FMN2: variants seen among roughly 807,000 people sequenced by gnomAD.
The protein encoded by FMN2 is formin 2.
FMN2 carries 51 observed loss-of-function variants against 142.3 expected under a neutral mutation model. That is an observed-to-expected ratio of 0.36 (90% confidence interval 0.29 to 0.45). The LOEUF is 0.45. FMN2 is among the 20% of genes least tolerant of loss of function. The pLI is 1.00. For synonymous variants in FMN2, 882 were observed against 869.8 expected, an observed-to-expected ratio of 1.01 and a Z score of -0.25; for missense variants, 1,936 against 2,122.8, an observed-to-expected ratio of 0.91 and a Z score of 1.73.
intron 3 of FMN2, among the ~76,000 whole-genome samples, chr1:240,183,062 G>A (rs1446001340): frequency 6.6e-6 from 1 of 151,354 alleles, no homozygotes; most frequent in Non-Finnish European, 1.5e-5. Flanking sequence ...GATTACAGGT[G>A]TGAGCTACCA....
chr1:240,285,587 G>A (rs1030718289), intron 7 of FMN2, among the ~76,000 whole-genome samples: 1 of 152,078 alleles, frequency 6.6e-6, no homozygotes, highest in African/African-American at 2.4e-5. Context: ...GGGAGAGAAA[G>A]AGCCAGCAGG....
intron 15 of FMN2, among the ~76,000 whole-genome samples, chr1:240,427,500 T>C (rs1674999887): frequency 2.0e-5 from 3 of 152,182 alleles, no homozygotes; most frequent in Admixed American, 1.3e-4. Context: ...CCACCGCACC[T>C]GGCCACAACT....
chr1:240,113,139 G>A (rs1054659103), intron 1 of FMN2, among the ~76,000 whole-genome samples: 9 of 152,132 alleles, frequency 5.9e-5, no homozygotes, highest in Admixed American at 3.9e-4. Context: ...ATTTGACCAA[G>A]GAGTAGAGTG....
chr1:240,292,791 C>T (rs1354912522), intron 7 of FMN2, among the ~76,000 whole-genome samples: 1 of 152,192 alleles, frequency 6.6e-6, no homozygotes, highest in African/African-American at 2.4e-5. Flanking sequence ...CTTCTTTTAC[C>T]TTTATTTCCT....
At chr1:240,204,131 TTC>T (rs1309118629) in intron 4 of FMN2, among the ~76,000 whole-genome samples, 1 of 151,674 alleles carries the variant, frequency 6.6e-6, no homozygotes, top group African/African-American at 2.4e-5. Flanking sequence ...TAAGGGCTAC[TTC>T]TTTTTTTTTT....
intron 7 of FMN2, among the ~76,000 whole-genome samples, chr1:240,258,467 C>T (rs1046580379): frequency 9.9e-5 from 15 of 152,100 alleles, no homozygotes; most frequent in African/African-American, 3.4e-4. Flanking sequence ...GGAAAGAGAG[C>T]TCTCTTGTGT....
chr1:240,425,739 C>G (rs1047949515), intron 15 of FMN2, among the ~76,000 whole-genome samples: 1 of 152,168 alleles, frequency 6.6e-6, no homozygotes, highest in Non-Finnish European at 1.5e-5. Flanking sequence ...GTAATGTCTG[C>G]CAGCACGTGA....
chr1:240,449,313 T>G (rs991461326), intron 16 of FMN2, among the ~76,000 whole-genome samples: 1 of 152,276 alleles, frequency 6.6e-6, no homozygotes, highest in African/African-American at 2.4e-5. Flanking sequence ...GACTTTCTGC[T>G]TACTGACACT....
At chr1:240,214,128 G>A (rs907559739) in intron 6 of FMN2, among the ~76,000 whole-genome samples, 1 of 152,162 alleles carries the variant, frequency 6.6e-6, no homozygotes, top group Non-Finnish European at 1.5e-5. Flanking sequence ...AAGATTAGCT[G>A]AGAAGGTACA....
At chr1:240,439,104 C>T (rs111261576) in intron 16 of FMN2, among the ~76,000 whole-genome samples, 8,466 of 151,864 alleles carry the variant, frequency 0.056, 820 homozygotes, top group African/African-American at 0.2. Flanking sequence ...AAAACCCTGT[C>T]TGTACTAAAA....
At chr1:240,254,692 A>G (rs1282976853) in intron 6 of FMN2, among the ~76,000 whole-genome samples, 4 of 152,014 alleles carry the variant, frequency 2.6e-5, no homozygotes, top group African/African-American at 9.7e-5. Flanking sequence ...GTGGCTCCAT[A>G]TGGCGGCTGC....
intron 7 of FMN2, among the ~76,000 whole-genome samples, chr1:240,280,284 A>G (rs1669353319): frequency 6.6e-6 from 1 of 152,132 alleles, no homozygotes; most frequent in South Asian, 2.1e-4. Context: ...TTGTGATTAT[A>G]ATCATTGTGT....
At chr1:240,294,456 C>G (rs1429601169) in intron 7 of FMN2, among the ~76,000 whole-genome samples, 2 of 152,194 alleles carry the variant, frequency 1.3e-5, no homozygotes, top group African/African-American at 4.8e-5. Context: ...TGAATTTAAG[C>G]ATTTATTGAT....
chr1:240,331,937 G>A (rs999156057), intron 11 of FMN2, among the ~76,000 whole-genome samples: 5 of 152,150 alleles, frequency 3.3e-5, no homozygotes, highest in African/African-American at 7.2e-5. Context: ...ATGGGTACTC[G>A]CAGTACAGTT....
intron 2 of FMN2, among the ~76,000 whole-genome samples, chr1:240,177,558 T>C (rs1664971527): frequency 1.3e-5 from 2 of 152,146 alleles, no homozygotes; most frequent in African/African-American, 4.8e-5. Context: ...TTAAAAGGGA[T>C]ATCATATTCA....
At chr1:240,287,782 T>G (rs1352079668) in intron 7 of FMN2, among the ~76,000 whole-genome samples, 1 of 152,182 alleles carries the variant, frequency 6.6e-6, no homozygotes, top group Admixed American at 6.5e-5. Context: ...TGCATTTGAC[T>G]TTTATTATTT....
rs953727309 is a variant in FMN2, at chr1:240,474,018, C to G, written c.5143-110C>G. On this transcript the variant is annotated intron_variant, in intron 17 of 17. Transcript: ENST00000319653. ...TGGACTGGTAGACCTTTAACCTTGTCCCACAGAATTTGATCCAAATGAAAA... is the reference window on the plus strand; with the variant it reads ...TGGACTGGTAGACCTTTAACCTTGTGCCACAGAATTTGATCCAAATGAAAA... 9.8e-6 allele frequency: 9 copies of G among 915,304 alleles called. No individual in the cohort carries two copies. The African/African-American group carries it at 1.6e-4, about 16-fold the overall frequency. 56.7% of individuals were successfully genotyped at this position (915,304 alleles called of 1,614,324 possible). A position where few individuals can be genotyped will look rare whatever the true frequency, so the allele number is the denominator to read the frequency against.
At chr1:240,277,804 G>A (rs1051057528) in intron 7 of FMN2, among the ~76,000 whole-genome samples, 3 of 151,888 alleles carry the variant, frequency 2.0e-5, no homozygotes, top group African/African-American at 7.3e-5. Context: ...CAAAGTGCTA[G>A]GATTACAGGT....
chr1:240,167,404 T>A (rs1185771131), intron 2 of FMN2, among the ~76,000 whole-genome samples: 1 of 152,190 alleles, frequency 6.6e-6, no homozygotes, highest in Non-Finnish European at 1.5e-5. Flanking sequence ...CACTTTGTCC[T>A]CCCAAAGTGC....
Sources: gnomAD v4.1 joint callset for allele counts (sites outside exome capture counted in the v4.1 genomes callset) on GRCh38, gnomAD v4.1.1 for gene constraint, MANE v1.5 for transcripts, NCBI Gene and HGNC (gene_info 2026-07-23, HGNC 2026-07-21) for gene names.